Variants in SAMD12 observed in about 807,000 individuals in gnomAD.
SAMD12 encodes sterile alpha motif domain containing 12, also known as sterile alpha motif domain-containing protein 12.
A neutral mutation model predicts 15.0 loss-of-function variants in SAMD12; 9 were observed. That is an observed-to-expected ratio of 0.60 (90% CI 0.36 to 1.05). SAMD12 has a LOEUF of 1.05. SAMD12 is among the 50% of genes least tolerant of loss of function. The pLI, the probability that SAMD12 is intolerant of heterozygous loss-of-function variation, is 0.01. For synonymous variants in SAMD12, 86 were observed against 90.1 expected, an observed-to-expected ratio of 0.96 and a Z score of 0.25; for missense variants, 230 against 234.2, an observed-to-expected ratio of 0.98 and a Z score of 0.12.
chr8:118,287,456 T>A (rs1814112952), intron 4 of SAMD12, among the ~76,000 whole-genome samples: 2 of 151,916 alleles, frequency 1.3e-5, no homozygotes, highest in African/African-American at 2.4e-5. Flanking sequence ...GACAGCAAAA[T>A]GAAAAATAAG....
intron 4 of SAMD12, among the ~76,000 whole-genome samples, chr8:118,218,020 C>T (rs1283773566): frequency 6.6e-6 from 1 of 152,168 alleles, no homozygotes; most frequent in African/African-American, 2.4e-5. Context: ...TCCTACTGCA[C>T]CTGACTAGCA....
chr8:118,244,029 C>G (rs1812630838), intron 4 of SAMD12, among the ~76,000 whole-genome samples: 1 of 151,996 alleles, frequency 6.6e-6, no homozygotes, highest in Non-Finnish European at 1.5e-5. Flanking sequence ...TAAGGGAACC[C>G]TGAGAATAAT....
chr8:118,484,227 G>A (rs1353361316), intron 2 of SAMD12, among the ~76,000 whole-genome samples: 2 of 152,098 alleles, frequency 1.3e-5, no homozygotes, highest in African/African-American at 2.4e-5. Flanking sequence ...GGTGGAATTC[G>A]TAACCGATCT....
At chr8:118,199,141 A>C (rs186685458) in intron 4 of SAMD12, among the ~76,000 whole-genome samples, 2 of 152,346 alleles carry the variant, frequency 1.3e-5, no homozygotes, top group African/African-American at 4.8e-5. Flanking sequence ...ATAGAAAAGA[A>C]CTGTATGTGA....
At chr8:118,162,539 A>C in the SAMD12 span, among the ~76,000 whole-genome samples, 1 of 151,928 alleles carries the variant, frequency 6.6e-6, no homozygotes, top group South Asian at 2.1e-4. Context: ...AGACATATTG[A>C]ATTTGAGATC....
intron 3 of SAMD12, among the ~76,000 whole-genome samples, chr8:118,427,221 A>G (rs1822258814): frequency 6.6e-6 from 1 of 152,200 alleles, no homozygotes; most frequent in African/African-American, 2.4e-5. Context: ...TCCATCTTTA[A>G]TCTAAATGAT....
At chr8:118,441,077 A>G (rs1361912878) in intron 2 of SAMD12, among the ~76,000 whole-genome samples, 2 of 152,158 alleles carry the variant, frequency 1.3e-5, no homozygotes, top group Non-Finnish European at 2.9e-5. Context: ...TTCATTTGGT[A>G]GGAGTGTGAT....
chr8:118,296,909 A>C (rs1814742498), intron 4 of SAMD12, among the ~76,000 whole-genome samples: 1 of 152,220 alleles, frequency 6.6e-6, no homozygotes, highest in Non-Finnish European at 1.5e-5. Context: ...TGCCTAGGAT[A>C]CAACAGTGTA....
At position 118,378,877 on chromosome 8, in the gene SAMD12, C is replaced by CATATTGATCTTCATTA; in HGVS notation, c.*539_*540insTAATGAAGATCAATAT. The CATATTGATCTTCATTA allele has an allele frequency of 1.0e-6, 1 of 975,450 alleles. No individual in the cohort carries two copies. The highest frequency in any genetic ancestry group is 1.2e-6 in the Non-Finnish European group (1 of 820,838). 60.4% of individuals were successfully genotyped at this position (975,450 alleles called of 1,614,324 possible). On this transcript the variant is annotated 3_prime_UTR_variant, in exon 4 of 4. Coordinates refer to ENST00000314727, the MANE Select transcript of SAMD12 (RefSeq NM_207506.3). ...TTATTGAGATCTTAAGTGCTCTCAT[C>CATATTGATCTTCATTA]ATATTGAAGTTATTTATAATTCCTG...
At chr8:118,316,399 G>A (rs1342200137) in intron 4 of SAMD12, among the ~76,000 whole-genome samples, 1 of 142,498 alleles carries the variant, frequency 7.0e-6, no homozygotes, top group African/African-American at 2.7e-5. Flanking sequence ...GCTAGGCATG[G>A]TGGTGCATGC....
chr8:118,437,859 C>G (rs536429058), intron 3 of SAMD12, among the ~76,000 whole-genome samples: 17 of 152,302 alleles, frequency 1.1e-4, no homozygotes, highest in Non-Finnish European at 2.2e-4. Context: ...GGCTCATCCT[C>G]TTCAAACCAT....
At chr8:118,586,522 T>C (rs1827448661) in intron 1 of SAMD12, among the ~76,000 whole-genome samples, 1 of 152,148 alleles carries the variant, frequency 6.6e-6, no homozygotes, top group East Asian at 1.9e-4. Context: ...TTTGTATTAT[T>C]TGTAGAGGCA....
At chr8:118,579,298 G>A (rs550231413) in intron 2 of SAMD12, among the ~76,000 whole-genome samples, 106 of 152,204 alleles carry the variant, frequency 7.0e-4, no homozygotes, top group African/African-American at 2.4e-3. Flanking sequence ...CCCTTAAGGC[G>A]TTTTTTCCTG....
At chr8:118,164,046 C>A in the SAMD12 span, among the ~76,000 whole-genome samples, 1 of 152,086 alleles carries the variant, frequency 6.6e-6, no homozygotes, top group South Asian at 2.1e-4. Flanking sequence ...AAACAAATGG[C>A]TCTTCCTTGT....
intron 2 of SAMD12, among the ~76,000 whole-genome samples, chr8:118,445,858 G>GT (rs1466644609): frequency 6.6e-6 from 1 of 152,084 alleles, no homozygotes; most frequent in Non-Finnish European, 1.5e-5. Flanking sequence ...GGCATTATTA[G>GT]TTTTTTCGTC....
At chr8:118,340,110 C>T (rs574481410) in intron 4 of SAMD12, among the ~76,000 whole-genome samples, 1 of 152,286 alleles carries the variant, frequency 6.6e-6, no homozygotes, top group East Asian at 1.9e-4. Flanking sequence ...GCACAGGCTT[C>T]AACAAAGAAG....
chr8:118,295,856 G>A (rs762040496), intron 4 of SAMD12, among the ~76,000 whole-genome samples: 6 of 151,896 alleles, frequency 4.0e-5, no homozygotes, highest in Non-Finnish European at 1.5e-5. Context: ...TATAGACCAG[G>A]CTGATTTTGA....
chr8:118,551,574 A>G (rs1319233938), intron 2 of SAMD12, among the ~76,000 whole-genome samples: 6 of 152,278 alleles, frequency 3.9e-5, no homozygotes, highest in South Asian at 4.1e-4. Context: ...AGAGAAAGCA[A>G]GAAAGATCCA....
intron 1 of SAMD12, among the ~76,000 whole-genome samples, chr8:118,609,432 A>T (rs561669500): frequency 6.6e-6 from 1 of 152,342 alleles, no homozygotes; most frequent in Admixed American, 6.5e-5. Flanking sequence ...TTAACCGAAG[A>T]TTAGGAAGAT....
Sources: allele counts gnomAD v4.1 joint callset (sites outside exome capture counted in the v4.1 genomes callset), GRCh38; gene constraint gnomAD v4.1.1; transcripts MANE v1.5; gene names NCBI Gene and HGNC (gene_info 2026-07-23, HGNC 2026-07-21).